AOPEP: variants seen among roughly 807,000 people sequenced by gnomAD.
The protein encoded by AOPEP is aminopeptidase O.
A neutral mutation model predicts 98.1 loss-of-function variants in AOPEP; 77 were observed. The ratio of observed to expected loss-of-function variants is 0.78; its 90% CI spans 0.65 to 0.95. AOPEP has a LOEUF of 0.95. Among genes scored for constraint, AOPEP ranks in the 40% least tolerant of loss-of-function variants. The pLI is 0.00. For synonymous variants in AOPEP, 346 were observed against 365.3 expected, an observed-to-expected ratio of 0.95 and a Z score of 0.60; for missense variants, 1,024 against 1,024.7, an observed-to-expected ratio of 1.00 and a Z score of 0.01.
chr9:95,022,963 G>A (rs2063572974), intron 13 of AOPEP, among the ~76,000 whole-genome samples: 1 of 152,038 alleles, frequency 6.6e-6, no homozygotes, highest in Non-Finnish European at 1.5e-5. Context: ...CTTTCTCCCC[G>A]CTGTAGTCCG....
intron 13 of AOPEP, among the ~76,000 whole-genome samples, chr9:95,029,981 C>G (rs1004611538): frequency 2.0e-5 from 3 of 152,170 alleles, no homozygotes; most frequent in Admixed American, 2.0e-4. Flanking sequence ...TGGTATGATT[C>G]TGGTCTCTGC....
Position 94,937,903 on chromosome 9 carries a change from C to T in AOPEP, c.1661+9372C>T, listed in dbSNP as rs143021183. 5.3e-3 allele frequency among the ~76,000 whole-genome samples: 813 copies of T among 152,248 alleles called. 7 individuals are homozygous for T. The highest frequency in any genetic ancestry group is 7.6e-3 in the Non-Finnish European group (520 of 68,004). On this transcript the variant is annotated intron_variant, in intron 7 of 16. Coordinates refer to ENST00000375315, the MANE Select transcript of AOPEP (RefSeq NM_001193329.3). ...TTTTTTCTTTTTTGAGATGGAATCTCGCTCTGTCACCCAGGCTGGAGTGCA... is the reference window on the plus strand; with the variant it reads ...TTTTTTCTTTTTTGAGATGGAATCTTGCTCTGTCACCCAGGCTGGAGTGCA...
At chr9:94,783,490 C>CA (rs1843728282) in intron 3 of AOPEP, among the ~76,000 whole-genome samples, 3 of 152,186 alleles carry the variant, frequency 2.0e-5, no homozygotes, top group Admixed American at 6.5e-5. Context: ...AAGAGACAGT[C>CA]ACGCTATGGG....
chr9:94,792,223 G>T (rs1402774258), intron 3 of AOPEP, among the ~76,000 whole-genome samples: 7 of 152,190 alleles, frequency 4.6e-5, no homozygotes, highest in African/African-American at 1.7e-4. Flanking sequence ...AACTCCCACA[G>T]CTAATTAATT....
downstream of AOPEP, among the ~76,000 whole-genome samples, chr9:95,092,082 GCACA>G (rs142129948): frequency 5.8e-5 from 8 of 138,362 alleles, no homozygotes; most frequent in African/African-American, 8.2e-5. Context: ...GTGTGTGTGT[GCACA>G]CACACACACA....
At chr9:95,109,059 A>G in the AOPEP span, among the ~76,000 whole-genome samples, 1 of 152,022 alleles carries the variant, frequency 6.6e-6, no homozygotes, top group Admixed American at 6.6e-5. Context: ...ACAGGCACAC[A>G]TTACCATACC....
chr9:95,140,690 A>C, the AOPEP span, among the ~76,000 whole-genome samples: 1 of 152,192 alleles, frequency 6.6e-6, no homozygotes, highest in Non-Finnish European at 1.5e-5. Flanking sequence ...GTTGCCAGAC[A>C]AACTCACAAA....
At chr9:94,751,155 G>A (rs945080412) in intron 1 of AOPEP, among the ~76,000 whole-genome samples, 3 of 152,078 alleles carry the variant, frequency 2.0e-5, no homozygotes, top group African/African-American at 7.2e-5. Context: ...AAACTATAAC[G>A]CAGGAAGCTC....
chr9:95,017,798 A>G (rs1483997774), intron 13 of AOPEP, among the ~76,000 whole-genome samples: 2 of 152,204 alleles, frequency 1.3e-5, no homozygotes, highest in African/African-American at 4.8e-5. Flanking sequence ...TTTGTAGTCA[A>G]TCCCCATTCC....
At chr9:94,765,610 A>G (rs1267350926) in intron 2 of AOPEP, among the ~76,000 whole-genome samples, 1 of 151,806 alleles carries the variant, frequency 6.6e-6, no homozygotes, top group East Asian at 1.9e-4. Context: ...TTGAAAAAAA[A>G]TTATTAAAAA....
intron 14 of AOPEP, among the ~76,000 whole-genome samples, chr9:95,078,394 T>C (rs1461522633): frequency 6.6e-6 from 1 of 152,222 alleles, no homozygotes; most frequent in African/African-American, 2.4e-5. Context: ...CACAATCAAA[T>C]CTAAATTGTA....
the AOPEP span, among the ~76,000 whole-genome samples, chr9:95,129,001 CAA>C: frequency 6.6e-6 from 1 of 151,688 alleles, no homozygotes; most frequent in East Asian, 1.9e-4. Context: ...CTCCTGGGTT[CAA>C]AAGATTCTCC....
the AOPEP span, among the ~76,000 whole-genome samples, chr9:95,139,992 C>T: frequency 5.3e-5 from 8 of 151,820 alleles, no homozygotes; most frequent in African/African-American, 1.9e-4. Context: ...CCTTTTTCTT[C>T]TCTATAATGG....
At chr9:94,745,510 C>T (rs1191279540) in intron 1 of AOPEP, among the ~76,000 whole-genome samples, 1 of 152,084 alleles carries the variant, frequency 6.6e-6, no homozygotes, top group Non-Finnish European at 1.5e-5. Flanking sequence ...CTCCTGACCT[C>T]GTGATCTGCC....
At chr9:95,112,593 C>T in the AOPEP span, among the ~76,000 whole-genome samples, 1 of 152,172 alleles carries the variant, frequency 6.6e-6, no homozygotes. Context: ...TTAGGCTGTA[C>T]CAGAGTGAGG....
At chr9:94,959,466 A>G (rs968283448) in intron 9 of AOPEP, among the ~76,000 whole-genome samples, 4 of 152,168 alleles carry the variant, frequency 2.6e-5, no homozygotes, top group Non-Finnish European at 4.4e-5. Flanking sequence ...ACCCTTGCCA[A>G]AAATTAGTTG....
At chr9:94,858,748 G>A (rs1447797041) in intron 5 of AOPEP, among the ~76,000 whole-genome samples, 1 of 152,036 alleles carries the variant, frequency 6.6e-6, no homozygotes, top group East Asian at 1.9e-4. Context: ...TGCTATAAGT[G>A]CTTTATAAAA....
intron 9 of AOPEP, among the ~76,000 whole-genome samples, chr9:94,964,935 G>A (rs1005815565): frequency 6.6e-6 from 1 of 151,906 alleles, no homozygotes; most frequent in Non-Finnish European, 1.5e-5. Flanking sequence ...CACCACACCC[G>A]GCCCCTACAA....
intron 1 of AOPEP, among the ~76,000 whole-genome samples, chr9:94,729,589 A>AG (rs1015554188): frequency 2.0e-5 from 3 of 151,432 alleles, no homozygotes; most frequent in Non-Finnish European, 2.9e-5. Context: ...AAAAAAAAAA[A>AG]AAAGAAAGAA....
Sources: allele counts gnomAD v4.1 joint callset (sites outside exome capture counted in the v4.1 genomes callset), GRCh38; gene constraint gnomAD v4.1.1; transcripts MANE v1.5; gene names NCBI Gene and HGNC (gene_info 2026-07-23, HGNC 2026-07-21).